SSBP2: variants seen among roughly 807,000 people sequenced by gnomAD.
SSBP2 encodes single stranded DNA binding protein 2, also known as single-stranded DNA-binding protein 2.
SSBP2 carries 17 observed loss-of-function variants against 61.8 expected under a neutral mutation model. That is an observed-to-expected ratio of 0.28 (90% CI 0.19 to 0.41). The LOEUF (loss-of-function observed/expected upper bound fraction) is 0.41. Ranked by LOEUF, SSBP2 falls within the 10% of genes least tolerant of loss-of-function variation. The pLI, the probability that SSBP2 is intolerant of heterozygous loss-of-function variation, is 1.00. For missense variants in SSBP2, 310 were observed against 458.7 expected, an observed-to-expected ratio of 0.68 and a Z score of 2.96; for synonymous variants, 139 against 141.3, an observed-to-expected ratio of 0.98 and a Z score of 0.12.
Position 81,751,088 on chromosome 5 carries a change from TCACAG to T in SSBP2, c.-51_-47del. On this transcript the variant is annotated 5_prime_UTR_variant, in exon 1 of 17. Transcript: ENST00000320672. ...CCACTGTCACGCACCTGTCAACCCA[TCACAG>T]CCTCCCCGGGAACAGCCCCGTCCCC... 6.4e-7 allele frequency: 1 copy of T among 1,553,230 alleles called. No individual in the cohort carries two copies. The highest frequency in any genetic ancestry group is 1.2e-5 in the South Asian group (1 of 84,532).
At chr5:81,687,202 A>G (rs1752878533) in intron 1 of SSBP2, among the ~76,000 whole-genome samples, 1 of 152,230 alleles carries the variant, frequency 6.6e-6, no homozygotes, top group South Asian at 2.1e-4. Context: ...GGGAGAGCAC[A>G]GTGACTGTGG....
At chr5:81,724,270 T>C (rs945477254) in intron 1 of SSBP2, among the ~76,000 whole-genome samples, 8 of 152,070 alleles carry the variant, frequency 5.3e-5, no homozygotes, top group South Asian at 4.1e-4. Flanking sequence ...TGTCATCCCA[T>C]GGTAATTCTC....
chr5:81,647,869 C>T (rs1454208397), intron 2 of SSBP2, among the ~76,000 whole-genome samples: 1 of 152,094 alleles, frequency 6.6e-6, no homozygotes, highest in Non-Finnish European at 1.5e-5. Flanking sequence ...AGTCTAGTAT[C>T]TAGTTATTTG....
intron 4 of SSBP2, among the ~76,000 whole-genome samples, chr5:81,586,626 CAAA>C (rs35214821): frequency 8.8e-5 from 10 of 114,234 alleles, no homozygotes; most frequent in Non-Finnish European, 1.5e-4. Context: ...CTGCAGTATG[CAAA>C]AAAAAAAAAA....
In SSBP2 at chr5:81,417,158, G is replaced by A. The variant is rs564562624; in HGVS notation, c.*3346C>T. The A allele has an allele frequency of 2.6e-5, 4 of 152,114 alleles. No individual in the cohort carries two copies. The highest frequency in any genetic ancestry group is 3.9e-4 in the East Asian group (2 of 5,162). 9.4% of individuals were successfully genotyped at this position (152,114 alleles called of 1,614,324 possible). A position where few individuals can be genotyped will look rare whatever the true frequency, so the allele number is the denominator to read the frequency against. ...GGATTACAGGCATGAGTGCCCAGGC[G>A]GCAATTGAGAAATCTTAACTTCGGA... On this transcript the variant is annotated 3_prime_UTR_variant, in exon 17 of 17. Coordinates refer to ENST00000320672, the MANE Select transcript of SSBP2 (RefSeq NM_012446.5).
intron 4 of SSBP2, among the ~76,000 whole-genome samples, chr5:81,582,775 G>A (rs763165429): frequency 5.9e-5 from 9 of 152,100 alleles, no homozygotes; most frequent in Non-Finnish European, 1.2e-4. Flanking sequence ...TGTATTTTTA[G>A]TAGAGATGGG....
At chr5:81,466,919 T>C in intron 9 of SSBP2, 55 bp downstream of exon 9, 1 of 1,069,154 alleles carries the variant, frequency 9.4e-7, no homozygotes, top group Non-Finnish European at 1.4e-6. Flanking sequence ...GTATTATTTA[T>C]ATATATAAAA....
intron 6 of SSBP2, among the ~76,000 whole-genome samples, chr5:81,485,134 G>A (rs1174537821): frequency 6.6e-6 from 1 of 152,012 alleles, no homozygotes; most frequent in Non-Finnish European, 1.5e-5. Flanking sequence ...TCGGTTCCAG[G>A]TTACAGATGC....
In SSBP2 at chr5:81,626,221, T is replaced by C. The variant is rs149482161; in HGVS notation, c.197+10336A>G. On this transcript the variant is annotated intron_variant, in intron 3 of 16. Transcript: ENST00000320672. ...AGCATTAAATTTTGCTTCACTTTTA[T>C]AAAATTCTCACAATACTCCTGGATT... 4.6e-5 allele frequency among the ~76,000 whole-genome samples: 7 copies of C among 152,374 alleles called. No homozygotes were observed. In the East Asian group the frequency reaches 1.3e-3, roughly 29 times the overall value.
chr5:81,750,763 C>T (rs564796433), intron 1 of SSBP2: 10 of 583,930 alleles, frequency 1.7e-5, no homozygotes, highest in Non-Finnish European at 3.0e-6. Context: ...CGGTCCCTCC[C>T]GCCGACAGCC....
chr5:81,695,908 T>C (rs562129010), intron 1 of SSBP2, among the ~76,000 whole-genome samples: 1 of 152,300 alleles, frequency 6.6e-6, no homozygotes, highest in South Asian at 2.1e-4. Context: ...CTAATACTTA[T>C]CAGAAAATTT....
At chr5:81,480,324 TTAAG>T (rs562208437) in intron 6 of SSBP2, among the ~76,000 whole-genome samples, 135 of 152,300 alleles carry the variant, frequency 8.9e-4, no homozygotes, top group Non-Finnish European at 1.6e-3. Context: ...GAATATCACA[TTAAG>T]TGAGTCATAT....
intron 1 of SSBP2, among the ~76,000 whole-genome samples, chr5:81,660,254 T>G (rs1750576395): frequency 1.3e-5 from 2 of 151,766 alleles, no homozygotes; most frequent in African/African-American, 4.8e-5. Context: ...GGGAGAAAAT[T>G]TTTGCAATCT....
intron 3 of SSBP2, among the ~76,000 whole-genome samples, chr5:81,631,892 T>C (rs1238795622): frequency 2.6e-5 from 4 of 152,164 alleles, no homozygotes; most frequent in Non-Finnish European, 5.9e-5. Context: ...AAAACCTTGC[T>C]GAAATGATAA....
intron 4 of SSBP2, among the ~76,000 whole-genome samples, chr5:81,564,177 A>C (rs1432746251): frequency 6.6e-6 from 1 of 152,206 alleles, no homozygotes; most frequent in Non-Finnish European, 1.5e-5. Context: ...GGAAAATACA[A>C]ATCAATGCCA....
upstream of SSBP2, among the ~76,000 whole-genome samples, chr5:81,751,427 C>T (rs577032802): frequency 3.4e-4 from 52 of 152,246 alleles, no homozygotes; most frequent in South Asian, 7.5e-3. Flanking sequence ...CTGTTCTCTC[C>T]GCCGCCACCC....
chr5:81,490,000 G>C (rs1440448526), intron 5 of SSBP2, among the ~76,000 whole-genome samples: 1 of 150,046 alleles, frequency 6.7e-6, no homozygotes, highest in East Asian at 1.9e-4. Flanking sequence ...CTGCACTCCA[G>C]GCTGGGCAAC....
intron 16 of SSBP2, among the ~76,000 whole-genome samples, chr5:81,428,128 G>A (rs983337187): frequency 1.3e-5 from 2 of 152,102 alleles, no homozygotes; most frequent in East Asian, 1.9e-4. Flanking sequence ...ACAATCACAC[G>A]CAAGCAGTGA....
At chr5:81,476,214 C>T (rs1459727118) in intron 6 of SSBP2, among the ~76,000 whole-genome samples, 1 of 152,120 alleles carries the variant, frequency 6.6e-6, no homozygotes, top group African/African-American at 2.4e-5. Flanking sequence ...TCCTACATAA[C>T]CACCATACAG....
Sources: gnomAD v4.1 joint callset for allele counts (sites outside exome capture counted in the v4.1 genomes callset) on GRCh38, gnomAD v4.1.1 for gene constraint, MANE v1.5 for transcripts, NCBI Gene and HGNC (gene_info 2026-07-23, HGNC 2026-07-21) for gene names.